APOBEC3B: variants seen among roughly 807,000 people sequenced by gnomAD.
APOBEC3B encodes the protein DNA dC->dU-editing enzyme APOBEC-3B.
APOBEC3B carries 29 observed loss-of-function variants against 53.4 expected under a neutral mutation model. That is an observed-to-expected ratio of 0.54 (90% CI 0.40 to 0.74). The LOEUF (loss-of-function observed/expected upper bound fraction) is 0.74. APOBEC3B is among the 30% of genes least tolerant of loss of function. The pLI is 0.00. For synonymous variants in APOBEC3B, 132 were observed against 184.8 expected, an observed-to-expected ratio of 0.71 and a Z score of 2.32; for missense variants, 347 against 496.2, an observed-to-expected ratio of 0.70 and a Z score of 2.86.
chr22:38,983,509 G>A lies in APOBEC3B; in HGVS notation c.18-566G>A, dbSNP rs376113092. Among the ~76,000 whole-genome samples, 1,018 of 148,460 alleles carry A rather than the reference G, an allele frequency of 6.9e-3. 58 individuals carry two copies. Among genetic ancestry groups the A allele is most frequent in the African/African-American group, 0.024 (965 of 40,934 alleles). Reference sequence around the variant, plus strand: ...CTGGAAAGGGGCCCCTGCTCCATCCGTCCCCAGCTCTGTGGCCTCGGCAGG... The same window carrying A: ...CTGGAAAGGGGCCCCTGCTCCATCCATCCCCAGCTCTGTGGCCTCGGCAGG... On this transcript the variant is annotated intron_variant, in intron 1 of 7. Coordinates refer to ENST00000333467, the MANE Select transcript of APOBEC3B (RefSeq NM_004900.5).
At chr22:38,983,991 T>A in intron 1 of APOBEC3B, 84 bp from the exon 2 acceptor site, 2 of 1,473,152 alleles carry the variant, frequency 1.4e-6, no homozygotes, top group Non-Finnish European at 1.8e-6. Context: ...AGGGCCATCC[T>A]GGGAGCTGTG....
In APOBEC3B at chr22:38,992,600, T is replaced by TA; in HGVS notation, c.*160dup. 5.8e-6 allele frequency: 9 copies of TA among 1,539,392 alleles called. No homozygotes were observed. Among genetic ancestry groups the TA allele is most frequent in the Non-Finnish European group, 7.9e-6 (9 of 1,140,502 alleles). The stretch of plus-strand genomic sequence containing the variant: ...TGTGCTCCTGATCAAGTAGATTTTT[T>TA]AAAAATCAGAGTCAATTAATTTTAA... On this transcript the variant is annotated 3_prime_UTR_variant, in exon 8 of 8. Transcript: ENST00000333467.
At position 38,990,040 on chromosome 22, in the gene APOBEC3B, G is replaced by A. The variant is rs573627763; in HGVS notation, c.723+430G>A. Among the ~76,000 whole-genome samples, 48 of 141,926 alleles carry A rather than the reference G, an allele frequency of 3.4e-4. 2 individuals carry two copies. Among genetic ancestry groups the A allele is most frequent in the African/African-American group, 1.2e-3 (47 of 38,594 alleles). The allele number at this position is 141,926 out of a possible 152,430, so 93.1% of individuals were successfully genotyped here. ...CAGGGTGGAGCCCACAGCAAGGCCA[G>A]AACAGGTCCCATGTCAGGATGCAAA... On this transcript the variant is annotated intron_variant, in intron 5 of 7. Coordinates refer to ENST00000333467, the MANE Select transcript of APOBEC3B (RefSeq NM_004900.5).
At chr22:38,988,748 C>CCTTCTTTCTTTCTTT (rs1923870869) in intron 4 of APOBEC3B, among the ~76,000 whole-genome samples, 2 of 65,900 alleles carry the variant, frequency 3.0e-5, no homozygotes, top group African/African-American at 1.2e-4. Flanking sequence ...TTTCTTTCTT[C>CCTTCTTTCTTTCTTT]CTTTCTTCTC....
Position 38,984,028 on chromosome 22 carries a change from C to T in APOBEC3B, c.18-47C>T, listed in dbSNP as rs773807764. 21 of 1,564,880 alleles carry T rather than the reference C, an allele frequency of 1.3e-5. 2 individuals are homozygous for T. The highest frequency in any genetic ancestry group is 1.8e-5 in the Non-Finnish European group (21 of 1,160,936). On this transcript the variant is annotated intron_variant, in intron 1 of 7. Coordinates refer to ENST00000333467, the MANE Select transcript of APOBEC3B (RefSeq NM_004900.5). Reference sequence around the variant, plus strand: ...TCAGTGGACATGAGCCCCGAGGACTCCCGGGAGGGCTCCCTGCATGGGCCG... The same window carrying T: ...TCAGTGGACATGAGCCCCGAGGACTTCCGGGAGGGCTCCCTGCATGGGCCG...
rs759424680 is a variant in APOBEC3B, at chr22:38,984,222, T to G, written c.165T>G (p.Phe55Leu). The change falls in exon 2 of 8, where the codon TTT (phenylalanine) becomes TTG (leucine). Residue 55 changes from phenylalanine (F) to leucine (L), a missense_variant. This residue lies in a region of APOBEC3B where 73 missense variants were observed against 90.9 expected (regional missense o/e 0.80). Transcript: ENST00000333467. ...RSNLLWDTGV[F>L]RGQVYFKPQY... ...ATCTCCTTTGGGACACAGGGGTCTT[T>G]CGAGGCCAGGTACCACCCAAACTTC... is the stretch of plus-strand genomic sequence containing the variant. The G allele has an allele frequency of 1.3e-6, 2 of 1,591,966 alleles. No individual in the cohort carries two copies. Among genetic ancestry groups the G allele is most frequent in the Non-Finnish European group, 1.7e-6 (2 of 1,172,216 alleles).
rs768160451 is a variant in APOBEC3B, at chr22:38,984,170, A to T, written c.113A>T (p.Glu38Val). The change falls in exon 2 of 8, where the codon GAA (glutamate) becomes GTA (valine). Residue 38 changes from glutamate (E) to valine (V), a missense_variant. Glu to Val is a moderately radical substitution (Grantham distance 121, BLOSUM62 -2). This residue lies in a region of APOBEC3B where 73 missense variants were observed against 90.9 expected (regional missense o/e 0.80). Transcript: ENST00000333467. ...CGGAGCTACACTTGGCTGTGCTATGAAGTGAAAATAAAGAGGGGCCGCTCA... is the reference window on the plus strand; with the variant it reads ...CGGAGCTACACTTGGCTGTGCTATGTAGTGAAAATAAAGAGGGGCCGCTCA... ...YGRSYTWLCY[E>V]VKIKRGRSNL... is the part of the protein sequence containing the mutation. The T allele has an allele frequency of 6.3e-7, 1 of 1,592,682 alleles. No individual in the cohort carries two copies. The highest frequency in any genetic ancestry group is 8.5e-7 in the Non-Finnish European group (1 of 1,172,426).
intron 4 of APOBEC3B, among the ~76,000 whole-genome samples, chr22:38,988,740 T>TCTTC (rs1923866610): frequency 7.8e-6 from 1 of 127,472 alleles, no homozygotes; most frequent in African/African-American, 3.2e-5. Flanking sequence ...TTTCTTTCTT[T>TCTTC]CTTTCTTCCT....
intron 4 of APOBEC3B, among the ~76,000 whole-genome samples, chr22:38,986,832 C>T (rs763192544): frequency 3.4e-5 from 5 of 148,794 alleles, no homozygotes; most frequent in South Asian, 2.2e-4. Flanking sequence ...CACCCCCACC[C>T]GCTATTCCTC....
intron 2 of APOBEC3B, 133 bp downstream of exon 2, chr22:38,984,364 C>T (rs1400414481): frequency 1.7e-6 from 2 of 1,181,598 alleles, no homozygotes; most frequent in Non-Finnish European, 2.3e-6. Flanking sequence ...AAAGGCTGAG[C>T]CCTTAACAAA....
intron 2 of APOBEC3B, 60 bp downstream of exon 2, chr22:38,984,291 G>A (rs1296683707): frequency 1.3e-6 from 2 of 1,542,426 alleles, no homozygotes; most frequent in Admixed American, 4.1e-5. Flanking sequence ...GGACTGGAGA[G>A]ACTGATATGG....
chr22:38,991,760 G>A, intron 6 of APOBEC3B, 134 bp downstream of exon 6: 1 of 1,298,274 alleles, frequency 7.7e-7, no homozygotes, highest in Non-Finnish European at 1.0e-6. Flanking sequence ...TGGGGTCGAT[G>A]GGAAGAGAGA....
intron 2 of APOBEC3B, 135 bp downstream of exon 2, chr22:38,984,366 C>G (rs1923651579): frequency 6.0e-6 from 7 of 1,162,060 alleles, no homozygotes; most frequent in Non-Finnish European, 8.2e-6. Context: ...AGGCTGAGCC[C>G]TTAACAAAGA....
intron 5 of APOBEC3B, 93 bp downstream of exon 5, chr22:38,989,703 GC>G (rs111473949): frequency 1.6e-6 from 2 of 1,258,450 alleles, no homozygotes; most frequent in South Asian, 1.8e-5. Context: ...GTGGTTTCCT[GC>G]AGTGTTTGTC....
chr22:38,988,702 T>TCTCC (rs1569039039), intron 4 of APOBEC3B, among the ~76,000 whole-genome samples: 6 of 121,838 alleles, frequency 4.9e-5, no homozygotes, highest in African/African-American at 2.0e-4. Flanking sequence ...TCTTTCTTTC[T>TCTCC]TTCTTTCTTT....
Position 38,992,025 on chromosome 22 carries a change from C to G in APOBEC3B, c.1019-9C>G. ...AGGAGCGTGACTTATCTCCCCTGTC[C>G]CTTTTCAGAGTTTGAGTACTGCTGG... On this transcript the variant is annotated splice_polypyrimidine_tract_variant and intron_variant, in intron 6 of 7. Coordinates refer to ENST00000333467, the MANE Select transcript of APOBEC3B (RefSeq NM_004900.5). 1 of 1,573,616 alleles carries G rather than the reference C, an allele frequency of 6.4e-7. No individual in the cohort carries two copies. The highest frequency in any genetic ancestry group is 8.6e-7 in the Non-Finnish European group (1 of 1,161,808).
In APOBEC3B at chr22:38,988,687, T is replaced by TC. The variant is rs1923846598; in HGVS notation, c.570-770_570-769insC. Among the ~76,000 whole-genome samples, 15 of 45,216 alleles carry TC rather than the reference T, an allele frequency of 3.3e-4. 4 individuals carry two copies. Among genetic ancestry groups the TC allele is most frequent in the African/African-American group, 1.3e-3 (14 of 10,908 alleles). The allele number at this position is 45,216 out of a possible 152,430, so 29.7% of individuals were successfully genotyped here. On this transcript the variant is annotated intron_variant, in intron 4 of 7. Coordinates refer to ENST00000333467, the MANE Select transcript of APOBEC3B (RefSeq NM_004900.5). ...TTCCTCTCTCTTTCTCTCTTTCTCTTTCTTTCTTTCTTTCTTTCTTTCTTT... is the reference window on the plus strand; with the variant it reads ...TTCCTCTCTCTTTCTCTCTTTCTCTTCTCTTTCTTTCTTTCTTTCTTTCTTT...
intron 4 of APOBEC3B, among the ~76,000 whole-genome samples, chr22:38,988,753 C>CTTTCTTTCTTTCTTTCTTTCTTTA (rs745908184): frequency 7.3e-6 from 1 of 136,186 alleles, no homozygotes; most frequent in Non-Finnish European, 1.6e-5. Flanking sequence ...TTCTTCCTTT[C>CTTTCTTTCTTTCTTTCTTTCTTTA]TTCTCTCTCG....
At chr22:38,991,865 TTC>T (rs1244664950) in intron 6 of APOBEC3B, among the ~76,000 whole-genome samples, 167 bp from the exon 7 acceptor site, 1 of 147,790 alleles carries the variant, frequency 6.8e-6, no homozygotes, top group Non-Finnish European at 1.5e-5. Context: ...CTGGCCCAGA[TTC>T]CAATGGGAAG....
Sources: gnomAD v4.1 joint callset for allele counts (sites outside exome capture counted in the v4.1 genomes callset) on GRCh38, gnomAD v4.1.1 for gene constraint, gnomAD v4.1.1 regional missense constraint, MANE v1.5 for transcripts, NCBI Gene and HGNC (gene_info 2026-07-23, HGNC 2026-07-21) for gene names.